The following CDH8 variants were observed in gnomAD, a reference collection of about 807,000 sequenced individuals.
CDH8 encodes cadherin-8.
In CDH8, 17 loss-of-function variants were observed where a neutral mutation model predicts 68.1. The observed-to-expected ratio is 0.25, with a 90% CI of 0.17 to 0.37. The LOEUF (loss-of-function observed/expected upper bound fraction) is 0.37. Ranked by LOEUF, CDH8 falls within the 10% of genes least tolerant of loss-of-function variation. The probability of loss-of-function intolerance (pLI) is 1.00; values close to 1 mark genes in which losing one functional copy is unlikely to be tolerated. For synonymous variants in CDH8, 372 were observed against 365.1 expected (o/e 1.02, Z -0.21); for missense variants, 763 against 999.3 (o/e 0.76, Z 3.19).
chr16:62,030,606 C>T (rs1396613549), intron 1 of CDH8, among the ~76,000 whole-genome samples: 1 of 152,066 alleles, frequency 6.6e-6, no homozygotes, highest in Admixed American at 6.5e-5. Flanking sequence ...ATTTATGTCA[C>T]ATCTAGAATC....
At chr16:62,013,430 C>T (rs1901864953) in intron 2 of CDH8, among the ~76,000 whole-genome samples, 1 of 151,888 alleles carries the variant, frequency 6.6e-6, no homozygotes, top group Non-Finnish European at 1.5e-5. Flanking sequence ...ACTAATGGCT[C>T]ATTATTTTTG....
intron 3 of CDH8, among the ~76,000 whole-genome samples, chr16:61,887,260 G>A (rs1963692142): frequency 6.6e-6 from 1 of 152,108 alleles, no homozygotes; most frequent in East Asian, 1.9e-4. Context: ...ACATTTTAAA[G>A]GATAGGAGTA....
intron 3 of CDH8, among the ~76,000 whole-genome samples, chr16:61,871,346 ATT>A (rs530929490): frequency 7.1e-5 from 10 of 140,528 alleles, no homozygotes; most frequent in South Asian, 2.3e-4. Flanking sequence ...ACCATGGCAG[ATT>A]TTTTTTTTTT....
intron 1 of CDH8, among the ~76,000 whole-genome samples, chr16:62,030,717 C>G (rs1487806407): frequency 6.6e-6 from 1 of 152,068 alleles, no homozygotes; most frequent in Non-Finnish European, 1.5e-5. Flanking sequence ...AATATTTTCA[C>G]TTGATGTACA....
intron 8 of CDH8, among the ~76,000 whole-genome samples, chr16:61,757,083 T>C (rs1387333952): frequency 2.0e-5 from 3 of 152,206 alleles, no homozygotes; most frequent in African/African-American, 7.2e-5. Context: ...TATTTGACCA[T>C]CACAATTCCC....
At position 61,864,341 on chromosome 16, in the gene CDH8, G is replaced by GGTTA. The variant is rs201312828; in HGVS notation, c.548-7104_548-7103insTAAC. Among the ~76,000 whole-genome samples, 90 of 151,858 alleles carry GGTTA rather than the reference G, an allele frequency of 5.9e-4. No homozygotes were observed. The East Asian group carries it at 0.014, about 24-fold the overall frequency. On this transcript the variant is annotated intron_variant, in intron 3 of 11. Coordinates refer to ENST00000577390, the MANE Select transcript of CDH8 (RefSeq NM_001796.5). The stretch of plus-strand genomic sequence containing the variant: ...TGGTTGGTTGGTTGGTTGGTTGGTT[G>GGTTA]GTTGATTGAAAGTCTCCACCCCCTC...
intron 2 of CDH8, among the ~76,000 whole-genome samples, chr16:61,918,906 A>G (rs1204630671): frequency 6.7e-6 from 1 of 150,082 alleles, no homozygotes; most frequent in Non-Finnish European, 1.5e-5. Flanking sequence ...CTGTAGACTT[A>G]AATGTCCCTG....
chr16:61,815,532 GTC>G (rs1962052717), intron 7 of CDH8, among the ~76,000 whole-genome samples: 2 of 152,292 alleles, frequency 1.3e-5, no homozygotes, highest in African/African-American at 4.8e-5. Context: ...TTAAGATCGT[GTC>G]TCTGCACAGC....
chr16:61,681,140 T>A (rs1344603376), intron 10 of CDH8, among the ~76,000 whole-genome samples: 1 of 151,860 alleles, frequency 6.6e-6, no homozygotes, highest in East Asian at 1.9e-4. Flanking sequence ...ATTAAACTTA[T>A]CTTTACTATA....
intron 10 of CDH8, among the ~76,000 whole-genome samples, chr16:61,657,636 T>C (rs997936505): frequency 6.6e-6 from 1 of 152,096 alleles, no homozygotes; most frequent in African/African-American, 2.4e-5. Context: ...CAAGTTTGAG[T>C]ACAGCTAATT....
chr16:61,827,117 T>C (rs1354521540), intron 4 of CDH8, among the ~76,000 whole-genome samples: 1 of 151,888 alleles, frequency 6.6e-6, no homozygotes, highest in East Asian at 1.9e-4. Context: ...CCTCATTATA[T>C]TAGCATGTTG....
intron 2 of CDH8, among the ~76,000 whole-genome samples, chr16:61,951,261 C>T (rs1964892667): frequency 6.6e-6 from 1 of 152,096 alleles, no homozygotes; most frequent in African/African-American, 2.4e-5. Flanking sequence ...CCTGTAATCC[C>T]AGCACTTTGG....
At chr16:61,797,149 A>C (rs1961519275) in intron 7 of CDH8, among the ~76,000 whole-genome samples, 1 of 151,972 alleles carries the variant, frequency 6.6e-6, no homozygotes, top group Non-Finnish European at 1.5e-5. Context: ...TATTTAAAGC[A>C]TCTCCTACCT....
chr16:61,894,765 G>T (rs553709711), intron 3 of CDH8, among the ~76,000 whole-genome samples: 3 of 152,088 alleles, frequency 2.0e-5, no homozygotes, highest in African/African-American at 7.2e-5. Context: ...TTAAGAAGTC[G>T]TTGTTCAAGG....
At chr16:61,833,609 T>C (rs763313212) in intron 4 of CDH8, among the ~76,000 whole-genome samples, 11 of 152,070 alleles carry the variant, frequency 7.2e-5, no homozygotes, top group Admixed American at 2.0e-4. Context: ...CTTATTCAAA[T>C]CTTTACATGA....
chr16:61,978,620 G>A (rs1011659140), intron 2 of CDH8, among the ~76,000 whole-genome samples: 1 of 152,092 alleles, frequency 6.6e-6, no homozygotes, highest in Non-Finnish European at 1.5e-5. Flanking sequence ...AAATGTGGCA[G>A]TTTCCATGCA....
intron 10 of CDH8, among the ~76,000 whole-genome samples, chr16:61,674,038 C>T (rs970013693): frequency 6.6e-6 from 1 of 152,212 alleles, no homozygotes; most frequent in East Asian, 1.9e-4. Flanking sequence ...CTGTGACTAT[C>T]ATAGGGTTGG....
At chr16:61,876,061 G>C (rs187616010) in intron 3 of CDH8, among the ~76,000 whole-genome samples, 3 of 152,166 alleles carry the variant, frequency 2.0e-5, no homozygotes, top group African/African-American at 7.2e-5. Flanking sequence ...ATTTTTAGTA[G>C]AGACAGGGTT....
Position 61,913,911 on chromosome 16 carries a change from C to A in CDH8, c.253-12438G>T, listed in dbSNP as rs566132212. Among the ~76,000 whole-genome samples, 165 of 152,206 alleles carry A rather than the reference C, an allele frequency of 1.1e-3. 2 individuals are homozygous for A. Among genetic ancestry groups the A allele is most frequent in the South Asian group, 6.2e-3 (30 of 4,820 alleles). ...TGTTATAGGCTAAATTATTTTCCAT[C>A]AAAATCCATATGTTGAAGCCCTAAC... On this transcript the variant is annotated intron_variant, in intron 2 of 11. Coordinates refer to ENST00000577390, the MANE Select transcript of CDH8 (RefSeq NM_001796.5).
Sources: gnomAD v4.1 joint callset for allele counts (sites outside exome capture counted in the v4.1 genomes callset) on GRCh38, gnomAD v4.1.1 for gene constraint, MANE v1.5 for transcripts, NCBI Gene and HGNC (gene_info 2026-07-23, HGNC 2026-07-21) for gene names.